The following TEN1 variants were observed in gnomAD, a reference collection of about 807,000 sequenced individuals.
The protein encoded by TEN1 is TEN1 subunit of CST complex.
In TEN1, 6 loss-of-function variants were observed where a neutral mutation model predicts 9.3. That is an observed-to-expected ratio of 0.65 (90% confidence interval 0.35 to 1.27). TEN1 has a LOEUF of 1.27. Among genes scored for constraint, TEN1 ranks in the 50% most tolerant of loss-of-function variants. The probability of loss-of-function intolerance (pLI) is 0.03; values close to 1 mark genes in which losing one functional copy is unlikely to be tolerated. For synonymous variants in TEN1, 65 were observed against 65.6 expected, an observed-to-expected ratio of 0.99 and a Z score of 0.04; for missense variants, 149 against 158.2, an observed-to-expected ratio of 0.94 and a Z score of 0.31.
intron 1 of TEN1, among the ~76,000 whole-genome samples, chr17:75,984,417 G>A (rs1162751075): frequency 6.6e-6 from 1 of 152,042 alleles, no homozygotes; most frequent in African/African-American, 2.4e-5. Context: ...TTGTTTTTGT[G>A]AGACAGCATC....
intron 3 of TEN1, among the ~76,000 whole-genome samples, chr17:75,993,823 C>T (rs1305452638): frequency 6.6e-6 from 1 of 151,926 alleles, no homozygotes; most frequent in Non-Finnish European, 1.5e-5. Flanking sequence ...GGCGAAACCC[C>T]GTCTCTACTA....
At position 75,986,267 on chromosome 17, in the gene TEN1, G is replaced by A. The variant is rs1567896046; in HGVS notation, c.75G>A (p.Thr25=). Residue 25 remains threonine (T), a synonymous_variant, in exon 2 of 4, where the codon ACG becomes ACA. Coordinates refer to ENST00000397640, the MANE Select transcript of TEN1 (RefSeq NM_001113324.3). ...CAGGCCAAGTTCCTGATGGGAGCAC[G>A]CTGAGAACATTTGGCAGGTGAGAAC... The part of the protein sequence containing the change: ...VSAGQVPDGS[T]LRTFGRLCLY... 1.6e-5 allele frequency: 24 copies of A among 1,547,754 alleles called. No homozygotes were observed. The highest frequency in any genetic ancestry group is 1.7e-5 in the Non-Finnish European group (20 of 1,145,132).
intron 1 of TEN1, among the ~76,000 whole-genome samples, chr17:75,982,477 G>T (rs931209574): frequency 6.6e-6 from 1 of 152,144 alleles, no homozygotes; most frequent in African/African-American, 2.4e-5. Flanking sequence ...ATTCAGATTT[G>T]TCTGATATTT....
intron 3 of TEN1, among the ~76,000 whole-genome samples, chr17:75,998,940 CTCGGAAA>C (rs2066234571): frequency 6.6e-6 from 1 of 151,912 alleles, no homozygotes; most frequent in Non-Finnish European, 1.5e-5. Context: ...ATCCACCCAT[CTCGGAAA>C]TCTATTTATT....
At chr17:75,988,250 A>G (rs572337731) in intron 2 of TEN1, among the ~76,000 whole-genome samples, 2 of 151,786 alleles carry the variant, frequency 1.3e-5, no homozygotes, top group Non-Finnish European at 1.5e-5. Context: ...CAAAAAAAAA[A>G]AAAAAAGAAG....
At chr17:75,996,906 G>A (rs1310567411) in intron 3 of TEN1, among the ~76,000 whole-genome samples, 2 of 151,994 alleles carry the variant, frequency 1.3e-5, no homozygotes, top group African/African-American at 2.4e-5. Context: ...GAGCAGGGCC[G>A]GAGTTTCCCC....
chr17:75,995,644 G>A (rs1255628516), intron 3 of TEN1, among the ~76,000 whole-genome samples: 1 of 152,236 alleles, frequency 6.6e-6, no homozygotes, highest in Non-Finnish European at 1.5e-5. Flanking sequence ...AAGGTGTGGG[G>A]CACAGCCTTT....
Position 75,986,265 on chromosome 17 carries a change from A to G in TEN1, c.73A>G (p.Thr25Ala), listed in dbSNP as rs2066151962. The part of the protein sequence containing the change: ...VSAGQVPDGS[T>A]LRTFGRLCLY... ...TGCAGGCCAAGTTCCTGATGGGAGC[A>G]CGCTGAGAACATTTGGCAGGTGAGA... The change falls in exon 2 of 4, where the codon ACG becomes GCG. Residue 25 changes from threonine (T) to alanine (A), a missense_variant. Transcript: ENST00000397640. 9.7e-6 allele frequency: 15 copies of G among 1,548,368 alleles called. No homozygotes were observed. The highest frequency in any genetic ancestry group is 1.4e-5 in the African/African-American group (1 of 73,008).
chr17:75,990,532 C>A (rs1598213693), intron 2 of TEN1, among the ~76,000 whole-genome samples: 3 of 147,442 alleles, frequency 2.0e-5, no homozygotes, highest in Admixed American at 6.8e-5. Flanking sequence ...ATTTGTAGCC[C>A]ATATTGAAAA....
intron 2 of TEN1, among the ~76,000 whole-genome samples, chr17:75,989,552 C>T (rs1393672129): frequency 6.6e-6 from 1 of 151,884 alleles, no homozygotes; most frequent in Non-Finnish European, 1.5e-5. Flanking sequence ...GGTGGGATTA[C>T]AGGCGTGCCC....
At chr17:75,999,477 G>C (rs892173223) in intron 3 of TEN1, among the ~76,000 whole-genome samples, 3 of 152,042 alleles carry the variant, frequency 2.0e-5, no homozygotes, top group Admixed American at 2.0e-4. Context: ...CAAGTAGCTG[G>C]GATTACAGGC....
Position 76,000,088 on chromosome 17 carries a change from CGTT to C in TEN1, c.251-48_251-46del. 2 of 1,535,812 alleles carry C rather than the reference CGTT, an allele frequency of 1.3e-6. No homozygotes were observed. Among genetic ancestry groups the C allele is most frequent in the Non-Finnish European group, 1.8e-6 (2 of 1,136,642 alleles). Reference sequence around the variant, plus strand: ...AACAGCTGGAATGCACCTTGGAGGACGTTGTTGACACGCCGCTCAGTCGCCGTT... The same window carrying C: ...AACAGCTGGAATGCACCTTGGAGGACGTTGACACGCCGCTCAGTCGCCGTT... On this transcript the variant is annotated intron_variant, in intron 3 of 3. Transcript: ENST00000397640. The surrounding 1 kb of genome is among the most constrained non-coding windows in gnomAD (Gnocchi z 5.9).
At chr17:75,995,923 T>C (rs1424877071) in intron 3 of TEN1, among the ~76,000 whole-genome samples, 2 of 151,918 alleles carry the variant, frequency 1.3e-5, no homozygotes, top group East Asian at 3.9e-4. Context: ...AGAGACGCCA[T>C]CTCTACAAAA....
chr17:75,986,408 A>C, intron 2 of TEN1, 124 bp downstream of exon 2: 1 of 992,012 alleles, frequency 1.0e-6, no homozygotes, highest in Non-Finnish European at 1.4e-6. Context: ...AAATACTAAA[A>C]AAAAAATTAG....
At chr17:75,999,357 T>A (rs976289562) in intron 3 of TEN1, among the ~76,000 whole-genome samples, 20 of 152,192 alleles carry the variant, frequency 1.3e-4, no homozygotes, top group Admixed American at 3.9e-4. Context: ...AAAATTTTTT[T>A]TTTTAGGTGG....
At chr17:75,999,445 C>A (rs1818432880) in intron 3 of TEN1, among the ~76,000 whole-genome samples, 1 of 152,054 alleles carries the variant, frequency 6.6e-6, no homozygotes, top group South Asian at 2.1e-4. Context: ...TGGGTTCAAG[C>A]AATTCTCCTG....
intron 3 of TEN1, among the ~76,000 whole-genome samples, chr17:75,996,624 A>G (rs1426926743): frequency 1.3e-5 from 2 of 150,252 alleles, no homozygotes; most frequent in Non-Finnish European, 3.0e-5. Context: ...TGGGAGGATC[A>G]CTTGAGCCAG....
Position 75,979,284 on chromosome 17 carries a change from T to G in TEN1, c.-234T>G. On this transcript the variant is annotated 5_prime_UTR_variant, in exon 1 of 4. Coordinates refer to ENST00000397640, the MANE Select transcript of TEN1 (RefSeq NM_001113324.3). ...AGCGGCCCAGACAGAGGGGGCGATG[T>G]CCGCGTCGTGGCTGGGGCCGGTCGC... The G allele has an allele frequency of 1.5e-6, 1 of 682,274 alleles. No homozygotes were observed. The allele number at this position is 682,274 out of a possible 1,614,324, so 42.3% of individuals were successfully genotyped here. A position where few individuals can be genotyped will look rare whatever the true frequency, so the allele number is the denominator to read the frequency against.
At chr17:75,998,772 C>T (rs910781997) in intron 3 of TEN1, among the ~76,000 whole-genome samples, 5 of 152,120 alleles carry the variant, frequency 3.3e-5, no homozygotes, top group Non-Finnish European at 5.9e-5. Flanking sequence ...CTCACTGCAA[C>T]GTCTGCCTCC....
Sources: gnomAD v4.1 joint callset for allele counts (sites outside exome capture counted in the v4.1 genomes callset) on GRCh38, gnomAD v4.1.1 for gene constraint, Gnocchi (gnomAD v3.1) non-coding constraint, MANE v1.5 for transcripts, NCBI Gene and HGNC (gene_info 2026-07-23, HGNC 2026-07-21) for gene names.